The following TYR variants were observed in gnomAD, a reference collection of about 807,000 sequenced individuals.
The protein encoded by TYR is LB24-AB.
A neutral mutation model predicts 51.5 loss-of-function variants in TYR; 58 were observed. The ratio of observed to expected loss-of-function variants is 1.13; its 90% CI spans 0.91 to 1.40. TYR has a LOEUF of 1.40. TYR is among the 40% of genes most tolerant of loss of function. The probability of loss-of-function intolerance (pLI) is 0.00; values close to 1 mark genes in which losing one functional copy is unlikely to be tolerated. For synonymous variants in TYR, 263 were observed against 235.2 expected, an observed-to-expected ratio of 1.12 and a Z score of -1.08; for missense variants, 732 against 647.4, an observed-to-expected ratio of 1.13 and a Z score of -1.42.
In TYR at chr11:89,209,712, C is replaced by T. The variant is rs532517107; in HGVS notation, c.1037-18111C>T. Among the ~76,000 whole-genome samples, 9 of 152,172 alleles carry T rather than the reference C, an allele frequency of 5.9e-5. No homozygotes were observed. The South Asian group carries it at 1.0e-3, about 18-fold the overall frequency. On this transcript the variant is annotated intron_variant, in intron 2 of 4. Transcript: ENST00000263321. ...CTGGGAGACACTACCCAGTAGAGGCCGACAGCTGCCTCATACAGGCAGGTG... is the reference window on the plus strand; with the variant it reads ...CTGGGAGACACTACCCAGTAGAGGCTGACAGCTGCCTCATACAGGCAGGTG...
intron 3 of TYR, among the ~76,000 whole-genome samples, chr11:89,260,340 G>A (rs1412399447): frequency 6.6e-6 from 1 of 151,848 alleles, no homozygotes; most frequent in Non-Finnish European, 1.5e-5. Context: ...AGAAGTGCTA[G>A]AAGGAGAGAA....
At chr11:89,291,186 A>G (rs1944849310) in intron 4 of TYR, among the ~76,000 whole-genome samples, 1 of 151,948 alleles carries the variant, frequency 6.6e-6, no homozygotes, top group Admixed American at 6.6e-5. Context: ...ACATTCAGTC[A>G]TTCAGTAAAC....
chr11:89,272,021 TGAA>T (rs1195407201), intron 3 of TYR, among the ~76,000 whole-genome samples: 5 of 152,016 alleles, frequency 3.3e-5, no homozygotes, highest in Admixed American at 2.0e-4. Context: ...CTTTCTCCAC[TGAA>T]GTCTTGAACC....
chr11:89,287,233 A>G (rs1320915931), intron 4 of TYR, among the ~76,000 whole-genome samples: 1 of 151,896 alleles, frequency 6.6e-6, no homozygotes, highest in South Asian at 2.1e-4. Flanking sequence ...TCAATAAATC[A>G]GTTTGAGTAC....
chr11:89,269,616 C>T (rs929341241), intron 3 of TYR, among the ~76,000 whole-genome samples: 2 of 151,848 alleles, frequency 1.3e-5, no homozygotes, highest in African/African-American at 4.8e-5. Flanking sequence ...TACTGATTCC[C>T]CAAGGGTTTG....
intron 2 of TYR, among the ~76,000 whole-genome samples, chr11:89,198,963 A>C (rs1412912394): frequency 6.6e-6 from 1 of 151,904 alleles, no homozygotes; most frequent in African/African-American, 2.4e-5. Flanking sequence ...CCCTGTGTCC[A>C]AGCGTTCTCA....
rs577396849 is a variant in TYR at position 89,233,496 on chromosome 11, G to T, written c.1184+5526G>T. Among the ~76,000 whole-genome samples, 14 of 138,188 alleles carry T rather than the reference G, an allele frequency of 1.0e-4. No individual in the cohort carries two copies. In the South Asian group the frequency reaches 2.8e-3, roughly 27 times the overall value. The allele number at this position is 138,188 out of a possible 152,430, so 90.7% of individuals were successfully genotyped here. A position where few individuals can be genotyped will look rare whatever the true frequency, so the allele number is the denominator to read the frequency against. ...CTAGAATGGCGACTCCTTTCCAAAA[G>T]GTTTTCAATTTATTATGCCCAGATC... On this transcript the variant is annotated intron_variant, in intron 3 of 4. Coordinates refer to ENST00000263321, the MANE Select transcript of TYR (RefSeq NM_000372.5).
Position 89,230,611 on chromosome 11 carries a change from A to G in TYR, c.1184+2641A>G, listed in dbSNP as rs531836939. Among the ~76,000 whole-genome samples, 10 of 152,274 alleles carry G rather than the reference A, an allele frequency of 6.6e-5. No individual in the cohort carries two copies. The South Asian group carries it at 2.1e-3, about 32-fold the overall frequency. On this transcript the variant is annotated intron_variant, in intron 3 of 4. Coordinates refer to ENST00000263321, the MANE Select transcript of TYR (RefSeq NM_000372.5). ...GACAGACAACTTACACAATAGGAGA[A>G]TATATTTGCAAACTATACCTCTGAT...
intron 2 of TYR, among the ~76,000 whole-genome samples, chr11:89,207,653 C>A (rs1943689376): frequency 6.6e-6 from 1 of 151,838 alleles, no homozygotes; most frequent in Non-Finnish European, 1.5e-5. Context: ...AAAAGGATGC[C>A]AAGAAAATGA....
chr11:89,213,476 T>C (rs1943789384), intron 2 of TYR, among the ~76,000 whole-genome samples: 1 of 152,138 alleles, frequency 6.6e-6, no homozygotes, highest in African/African-American at 2.4e-5. Context: ...TGCTCATGGA[T>C]AGGAAGAATC....
At chr11:89,286,184 G>A (rs1371263305) in intron 4 of TYR, among the ~76,000 whole-genome samples, 1 of 151,852 alleles carries the variant, frequency 6.6e-6, no homozygotes, top group Non-Finnish European at 1.5e-5. Context: ...CCTAAAAAGA[G>A]AAAACAAGGC....
At chr11:89,199,803 A>G (rs183045675) in intron 2 of TYR, among the ~76,000 whole-genome samples, 2 of 152,320 alleles carry the variant, frequency 1.3e-5, no homozygotes, top group East Asian at 3.9e-4. Context: ...ATCCAAGCTA[A>G]AGAGCTTTTG....
chr11:89,241,788 T>C (rs1230513071), intron 3 of TYR, among the ~76,000 whole-genome samples: 2 of 148,020 alleles, frequency 1.4e-5, no homozygotes, highest in African/African-American at 4.9e-5. Flanking sequence ...AGATATTATA[T>C]AGTACATTTT....
In TYR at chr11:89,178,383, AC is replaced by A; in HGVS notation, c.432del (p.Ile145SerfsTer9). On this transcript the variant is annotated frameshift_variant, in exon 1 of 5. Transcript: ENST00000263321. LOFTEE classifies it high-confidence loss of function. ...FFAYLTLAKH[T>X]ISSDYVIPIG... ...TGCCTACCTCACTTTAGCAAAGCATACCATCAGCTCAGACTATGTCATCCCC... is the reference window on the plus strand; with the variant it reads ...TGCCTACCTCACTTTAGCAAAGCATACATCAGCTCAGACTATGTCATCCCC... The A allele has an allele frequency of 6.2e-7, 1 of 1,614,184 alleles. No individual in the cohort carries two copies. Among genetic ancestry groups the A allele is most frequent in the Non-Finnish European group, 8.5e-7 (1 of 1,180,034 alleles).
intron 2 of TYR, among the ~76,000 whole-genome samples, chr11:89,226,199 T>C (rs945760883): frequency 7.2e-5 from 11 of 152,096 alleles, no homozygotes; most frequent in East Asian, 1.9e-4. Context: ...GCAAAGGAAG[T>C]AAACCATTGT....
intron 3 of TYR, among the ~76,000 whole-genome samples, chr11:89,242,618 A>T (rs1477228011): frequency 3.3e-5 from 5 of 152,196 alleles, no homozygotes; most frequent in African/African-American, 9.6e-5. Context: ...GACAACTAGC[A>T]TTTCAGAAAT....
intron 3 of TYR, among the ~76,000 whole-genome samples, chr11:89,238,083 G>A (rs115867212): frequency 0.017 from 2,631 of 152,030 alleles, 69 homozygotes; most frequent in African/African-American, 0.059. Context: ...TGATCCACTC[G>A]TCTCAGACTT....
rs1410011036 is a variant in TYR, at chr11:89,242,384, T to A, written c.1184+14414T>A. 1.1e-4 allele frequency among the ~76,000 whole-genome samples: 5 copies of A among 47,136 alleles called. No individual in the cohort carries two copies. In the East Asian group the frequency reaches 2.0e-3, roughly 19 times the overall value. The allele number at this position is 47,136 out of a possible 152,430, so 30.9% of individuals were successfully genotyped here. On this transcript the variant is annotated intron_variant, in intron 3 of 4. Transcript: ENST00000263321. ...CACCACGCCCAGCTAATTTGGGCAT[T>A]TTTTTTTAGTAGAGGCAGGGTTTCA...
At chr11:89,189,089 T>G (rs951569599) in intron 1 of TYR, among the ~76,000 whole-genome samples, 2 of 152,042 alleles carry the variant, frequency 1.3e-5, no homozygotes, top group Non-Finnish European at 2.9e-5. Context: ...TTTTAAAAAT[T>G]TTTTAATGTT....
Sources: allele counts gnomAD v4.1 joint callset (sites outside exome capture counted in the v4.1 genomes callset), GRCh38; gene constraint gnomAD v4.1.1; transcripts MANE v1.5; gene names NCBI Gene and HGNC (gene_info 2026-07-23, HGNC 2026-07-21).